HFM1: variants seen among roughly 807,000 people sequenced by gnomAD.
The protein encoded by HFM1 is helicase for meiosis 1.
HFM1 carries 169 observed loss-of-function variants against 192.1 expected under a neutral mutation model. The ratio of observed to expected loss-of-function variants is 0.88; its 90% CI spans 0.78 to 1.00. HFM1 has a LOEUF of 1.00. Ranked by LOEUF, HFM1 falls within the 50% of genes least tolerant of loss-of-function variation. The probability of loss-of-function intolerance (pLI) is 0.00; values close to 1 mark genes in which losing one functional copy is unlikely to be tolerated. For missense variants in HFM1, 1,661 were observed against 1,668.0 expected (o/e 1.00, Z 0.07); for synonymous variants, 525 against 537.8 (o/e 0.98, Z 0.33).
At chr1:91,308,730 C>T (rs1650005338) in intron 30 of HFM1, among the ~76,000 whole-genome samples, 1 of 152,054 alleles carries the variant, frequency 6.6e-6, no homozygotes, top group South Asian at 2.1e-4. Flanking sequence ...GATTATCAGT[C>T]ATATGGTCTT....
At chr1:91,293,602 G>C (rs1669045198) in intron 30 of HFM1, among the ~76,000 whole-genome samples, 1 of 150,254 alleles carries the variant, frequency 6.7e-6, no homozygotes, top group Non-Finnish European at 1.5e-5. Context: ...CTGTTGGTGG[G>C]ACTGTAAACT....
chr1:91,347,797 C>T (rs777884631), intron 18 of HFM1, among the ~76,000 whole-genome samples: 23 of 152,114 alleles, frequency 1.5e-4, no homozygotes, highest in Admixed American at 3.3e-4. Context: ...CCATTTTGTG[C>T]TATTCACTAA....
chr1:91,272,514 A>G (rs1212296770), intron 34 of HFM1, among the ~76,000 whole-genome samples: 7 of 152,094 alleles, frequency 4.6e-5, no homozygotes, highest in Non-Finnish European at 1.0e-4. Context: ...CCATGTAAAT[A>G]TAACACAAAA....
intron 21 of HFM1, among the ~76,000 whole-genome samples, chr1:91,323,587 G>A (rs1310896729): frequency 6.6e-6 from 1 of 152,112 alleles, no homozygotes; most frequent in Admixed American, 6.5e-5. Context: ...TCTATAGTTT[G>A]CAAATCATTA....
chr1:91,359,962 T>C (rs908029319), intron 13 of HFM1, among the ~76,000 whole-genome samples: 2 of 152,170 alleles, frequency 1.3e-5, no homozygotes, highest in Non-Finnish European at 2.9e-5. Context: ...TGGGAGCCAA[T>C]ATTCAACATT....
At chr1:91,353,876 T>A (rs139926720) in intron 13 of HFM1, among the ~76,000 whole-genome samples, 1 of 150,124 alleles carries the variant, frequency 6.7e-6, no homozygotes, top group Non-Finnish European at 1.5e-5. Context: ...AAAGAGGTGA[T>A]TATTCCACTA....
chr1:91,309,523 GAGATACAGTCTAAGATAGTA>G (rs1431148507), intron 30 of HFM1, among the ~76,000 whole-genome samples: 1 of 152,184 alleles, frequency 6.6e-6, no homozygotes, highest in Non-Finnish European at 1.5e-5. Flanking sequence ...TTTTACTATT[GAGATACAGTCTAAGATAGTA>G]AGATACAGCC....
rs1332821332 is a variant in HFM1, at chr1:91,307,445, ATTTAT to A, written c.3391+5899_3391+5903del. On this transcript the variant is annotated intron_variant, in intron 30 of 38. Transcript: ENST00000370425. ...TTTCCTCTAAGGAAATCCCTTTAGT[ATTTAT>A]TTTATTTTATTTTTTATTTTGAGAC... Among the ~76,000 whole-genome samples, 12 of 151,562 alleles carry A rather than the reference ATTTAT, an allele frequency of 7.9e-5. No homozygotes were observed. In the South Asian group the frequency reaches 1.0e-3, roughly 13 times the overall value.
chr1:91,369,630 G>A (rs576009433), intron 13 of HFM1, among the ~76,000 whole-genome samples: 63 of 152,256 alleles, frequency 4.1e-4, no homozygotes, highest in Non-Finnish European at 7.1e-4. Context: ...ATGCCCACAA[G>A]AGAAAGCAGG....
intron 30 of HFM1, among the ~76,000 whole-genome samples, chr1:91,302,326 CT>C (rs1648916184): frequency 6.6e-6 from 1 of 151,966 alleles, no homozygotes; most frequent in South Asian, 2.1e-4. Context: ...CACTTTTACG[CT>C]GTTGGTGGGA....
At chr1:91,381,113 A>G in intron 6 of HFM1, 131 bp from the exon 7 acceptor site, 1 of 572,186 alleles carries the variant, frequency 1.7e-6, no homozygotes, top group East Asian at 3.1e-5. Flanking sequence ...GCTATCTGGC[A>G]TCTTAGGAAA....
At position 91,284,375 on chromosome 1, in the gene HFM1, C is replaced by T. The variant is rs554204197; in HGVS notation, c.3392-7313G>A. ...ACCTGCCTCAGCCTCCCGAGTAGCT[C>T]GTATTACATGGGATTACAGGTGCCT... On this transcript the variant is annotated intron_variant, in intron 30 of 38. Transcript: ENST00000370425. 3.9e-5 allele frequency among the ~76,000 whole-genome samples: 6 copies of T among 151,994 alleles called. No individual in the cohort carries two copies. In the South Asian group the frequency reaches 1.2e-3, roughly 32 times the overall value.
At chr1:91,285,788 T>C (rs764682039) in intron 30 of HFM1, among the ~76,000 whole-genome samples, 6 of 152,166 alleles carry the variant, frequency 3.9e-5, no homozygotes, top group African/African-American at 9.7e-5. Context: ...TTTCATAAGT[T>C]TTAAATTGTA....
At chr1:91,340,412 G>A (rs563885671) in intron 20 of HFM1, among the ~76,000 whole-genome samples, 1 of 152,154 alleles carries the variant, frequency 6.6e-6, no homozygotes, top group African/African-American at 2.4e-5. Context: ...GATAAGCTAA[G>A]GGAATTGTTT....
At chr1:91,382,656 T>C (rs1661690932) in intron 6 of HFM1, among the ~76,000 whole-genome samples, 2 of 152,232 alleles carry the variant, frequency 1.3e-5, no homozygotes, top group South Asian at 2.1e-4. Flanking sequence ...TCTCTTTCTA[T>C]CAAATATTTA....
In HFM1 at chr1:91,276,727, T is replaced by C. The variant is rs12743037; in HGVS notation, c.3489A>G (p.Ala1163=). ...CGHDCCKIGV[A]QKSEIKESTI... is the part of the protein sequence containing the mutation. The stretch of plus-strand genomic sequence containing the variant: ...TTGACTCTTTAATTTCTGACTTCTG[T>C]GCAACTCCAATTTTACCTATGAAAA... Residue 1163 remains alanine (A), a synonymous_variant, in exon 32 of 39, where the codon GCA becomes GCG. Transcript: ENST00000370425. 2.7e-6 allele frequency: 4 copies of C among 1,498,764 alleles called. No homozygotes were observed. In the Admixed American group the frequency reaches 6.8e-5, roughly 26 times the overall value. 92.8% of individuals were successfully genotyped at this position (1,498,764 alleles called of 1,614,324 possible). A position where few individuals can be genotyped will look rare whatever the true frequency, so the allele number is the denominator to read the frequency against.
chr1:91,352,349 G>A (rs565951613), intron 16 of HFM1, among the ~76,000 whole-genome samples, 157 bp downstream of exon 16: 1 of 151,870 alleles, frequency 6.6e-6, no homozygotes, highest in South Asian at 2.1e-4. Context: ...CCCAGTTGGT[G>A]AGGCTTGTCT....
chr1:91,273,886 T>C (rs1557759644), intron 33 of HFM1, 71 bp from the exon 34 acceptor site: 1 of 829,630 alleles, frequency 1.2e-6, no homozygotes, highest in East Asian at 2.6e-5. Flanking sequence ...AAACTATTTA[T>C]TCATATAAAC....
At chr1:91,353,013 A>G (rs201434239) in intron 15 of HFM1, 38 bp downstream of exon 15, 3 of 1,292,718 alleles carry the variant, frequency 2.3e-6, no homozygotes, top group East Asian at 2.3e-5. Context: ...ATTTTCCAAA[A>G]TATTTTATAG....
Sources: allele counts gnomAD v4.1 joint callset (sites outside exome capture counted in the v4.1 genomes callset), GRCh38; gene constraint gnomAD v4.1.1; transcripts MANE v1.5; gene names NCBI Gene and HGNC (gene_info 2026-07-23, HGNC 2026-07-21).